Variants in CAMKMT observed in about 807,000 individuals in gnomAD.
The protein encoded by CAMKMT is calmodulin-lysine N-methyltransferase, also known as CaM KMT.
Under a neutral mutation model 48.0 loss-of-function variants are expected in CAMKMT, and 53 were observed. That is an observed-to-expected ratio of 1.10 (90% CI 0.89 to 1.39). The LOEUF (loss-of-function observed/expected upper bound fraction) is 1.39. Among genes scored for constraint, CAMKMT ranks in the 40% most tolerant of loss-of-function variants. The pLI is 0.00. For synonymous variants in CAMKMT, 165 were observed against 152.3 expected (o/e 1.08, Z -0.61); for missense variants, 428 against 402.7 (o/e 1.06, Z -0.54).
In CAMKMT at chr2:44,454,977, A is replaced by G. The variant is rs144021643; in HGVS notation, c.376+64672A>G. ...ATTTTGTTGTGAAGTGACCCTCTTG[A>G]AATCTTAATTTACCCATGGATAGAG... is the stretch of plus-strand genomic sequence containing the variant. On this transcript the variant is annotated intron_variant, in intron 3 of 10. Coordinates refer to ENST00000378494, the MANE Select transcript of CAMKMT (RefSeq NM_024766.5). Among the ~76,000 whole-genome samples, 551 of 152,212 alleles carry G rather than the reference A, an allele frequency of 3.6e-3. 3 individuals are homozygous for G. Among genetic ancestry groups the G allele is most frequent in the African/African-American group, 0.013 (528 of 41,556 alleles).
intron 3 of CAMKMT, among the ~76,000 whole-genome samples, chr2:44,664,813 C>CA (rs889453186): frequency 1.4e-4 from 21 of 149,362 alleles, no homozygotes; most frequent in South Asian, 4.2e-4. Context: ...AAGGAGATTT[C>CA]AAAAAAAAAG....
At chr2:44,584,241 C>G (rs1213317462) in intron 3 of CAMKMT, among the ~76,000 whole-genome samples, 2 of 152,172 alleles carry the variant, frequency 1.3e-5, no homozygotes, top group East Asian at 3.8e-4. Context: ...AGATACACCA[C>G]AATTTATTTA....
intron 3 of CAMKMT, among the ~76,000 whole-genome samples, chr2:44,412,769 T>A (rs1225489775): frequency 1.3e-5 from 2 of 152,020 alleles, no homozygotes; most frequent in Non-Finnish European, 2.9e-5. Context: ...AAAATTCAAT[T>A]TGGAATGTAG....
intron 9 of CAMKMT, among the ~76,000 whole-genome samples, chr2:44,759,352 C>T (rs925297039): frequency 4.6e-5 from 7 of 152,270 alleles, no homozygotes; most frequent in African/African-American, 1.4e-4. Flanking sequence ...AACTCCTGGG[C>T]TCAAGCAATC....
At chr2:44,548,992 A>C (rs1390737421) in intron 3 of CAMKMT, among the ~76,000 whole-genome samples, 2 of 152,182 alleles carry the variant, frequency 1.3e-5, no homozygotes, top group African/African-American at 4.8e-5. Flanking sequence ...TAAGCTGCTA[A>C]ATTTCTGGTG....
At chr2:44,690,711 C>T (rs1022643657) in intron 3 of CAMKMT, among the ~76,000 whole-genome samples, 4 of 151,938 alleles carry the variant, frequency 2.6e-5, no homozygotes, top group African/African-American at 4.8e-5. Flanking sequence ...TGTGGTGGCT[C>T]ACGCCTGTAA....
intron 3 of CAMKMT, among the ~76,000 whole-genome samples, chr2:44,661,099 A>G (rs1458720895): frequency 1.3e-5 from 2 of 152,064 alleles, no homozygotes; most frequent in African/African-American, 2.4e-5. Flanking sequence ...TGCTTGTTGT[A>G]TCATCTTTAT....
chr2:44,472,007 T>TGA (rs1668444927), intron 3 of CAMKMT, among the ~76,000 whole-genome samples: 1 of 152,160 alleles, frequency 6.6e-6, no homozygotes, highest in Non-Finnish European at 1.5e-5. Flanking sequence ...AATAGTACTT[T>TGA]AAGGGGTTGG....
At chr2:44,758,619 C>T (rs73924549) in intron 9 of CAMKMT, among the ~76,000 whole-genome samples, 3,354 of 152,268 alleles carry the variant, frequency 0.022, 102 homozygotes, top group African/African-American at 0.077. Context: ...ATGAAATCAG[C>T]ACATTTTACG....
At chr2:44,440,073 G>A (rs1666552336) in intron 3 of CAMKMT, among the ~76,000 whole-genome samples, 1 of 152,156 alleles carries the variant, frequency 6.6e-6, no homozygotes, top group Non-Finnish European at 1.5e-5. Flanking sequence ...AGAAAGGAGA[G>A]TGCTTAGAGG....
At chr2:44,543,973 C>T (rs1280269496) in intron 3 of CAMKMT, among the ~76,000 whole-genome samples, 1 of 152,034 alleles carries the variant, frequency 6.6e-6, no homozygotes, top group Non-Finnish European at 1.5e-5. Flanking sequence ...TTAACCAAAG[C>T]TCAGGGGCTA....
At chr2:44,453,489 TG>T (rs1437864835) in intron 3 of CAMKMT, among the ~76,000 whole-genome samples, 1 of 152,062 alleles carries the variant, frequency 6.6e-6, no homozygotes. Context: ...TGTAGTGCTT[TG>T]ACAGCCCATT....
intron 3 of CAMKMT, among the ~76,000 whole-genome samples, chr2:44,636,528 A>G (rs1455825472): frequency 6.6e-6 from 1 of 152,234 alleles, no homozygotes. Context: ...ATGGGACACA[A>G]AAAGGCTGAA....
At chr2:44,722,595 T>C (rs190905850) in intron 7 of CAMKMT, among the ~76,000 whole-genome samples, 14 of 152,214 alleles carry the variant, frequency 9.2e-5, no homozygotes, top group East Asian at 1.9e-4. Context: ...TATTTGGAGA[T>C]ATAGTGGCAA....
chr2:44,428,981 G>T (rs555525109), intron 3 of CAMKMT, among the ~76,000 whole-genome samples: 1 of 152,168 alleles, frequency 6.6e-6, no homozygotes, highest in Non-Finnish European at 1.5e-5. Context: ...GCATTTGGGG[G>T]CTTTAAGAGT....
At chr2:44,659,148 A>G (rs1443083593) in intron 3 of CAMKMT, among the ~76,000 whole-genome samples, 1 of 147,092 alleles carries the variant, frequency 6.8e-6, no homozygotes, top group African/African-American at 2.5e-5. Context: ...GAGGCTAGGC[A>G]CAGTGGCTCA....
chr2:44,771,653 C>T (rs1681117268), intron 10 of CAMKMT, among the ~76,000 whole-genome samples: 1 of 152,174 alleles, frequency 6.6e-6, no homozygotes, highest in Non-Finnish European at 1.5e-5. Context: ...GAAATGCCCG[C>T]CTGCCTGAAT....
intron 3 of CAMKMT, among the ~76,000 whole-genome samples, chr2:44,504,156 T>G (rs1028503816): frequency 1.3e-5 from 2 of 152,166 alleles, no homozygotes; most frequent in Admixed American, 1.3e-4. Flanking sequence ...GGATTAGGGT[T>G]TCAACATATT....
intron 9 of CAMKMT, among the ~76,000 whole-genome samples, chr2:44,758,477 C>A (rs1222887681): frequency 6.6e-6 from 1 of 152,242 alleles, no homozygotes; most frequent in East Asian, 1.9e-4. Context: ...TTTGTTACCA[C>A]CTGAAATGCA....
Sources: gnomAD v4.1 joint callset for allele counts (sites outside exome capture counted in the v4.1 genomes callset) on GRCh38, gnomAD v4.1.1 for gene constraint, MANE v1.5 for transcripts, NCBI Gene and HGNC (gene_info 2026-07-23, HGNC 2026-07-21) for gene names.